TTC39C: variants seen among roughly 807,000 people sequenced by gnomAD.
TTC39C encodes tetratricopeptide repeat domain 39C.
Under a neutral mutation model 76.3 loss-of-function variants are expected in TTC39C, and 33 were observed. That is an observed-to-expected ratio of 0.43 (90% confidence interval 0.33 to 0.58). The LOEUF (loss-of-function observed/expected upper bound fraction) is 0.58, where lower values mean the gene tolerates loss of function less well. TTC39C is among the 20% of genes least tolerant of loss of function. TTC39C has a pLI of 0.04. For missense variants in TTC39C, 595 were observed against 701.4 expected (o/e 0.85, Z 1.71); for synonymous variants, 254 against 260.6 (o/e 0.97, Z 0.24).
At chr18:24,064,480 A>C (rs985421582) in intron 2 of TTC39C, among the ~76,000 whole-genome samples, 2 of 152,216 alleles carry the variant, frequency 1.3e-5, no homozygotes, top group African/African-American at 4.8e-5. Flanking sequence ...TTCGAGGTAG[A>C]AAAAAAGTCT....
At chr18:24,104,394 C>T (rs1306275467) in intron 6 of TTC39C, among the ~76,000 whole-genome samples, 4 of 152,162 alleles carry the variant, frequency 2.6e-5, no homozygotes, top group Non-Finnish European at 5.9e-5. Context: ...TGCCTCGGGG[C>T]CTTTGTGCTT....
upstream of TTC39C, among the ~76,000 whole-genome samples, chr18:24,010,781 C>T (rs1483469676): frequency 1.3e-5 from 2 of 152,164 alleles, no homozygotes; most frequent in East Asian, 3.9e-4. Context: ...GCATGGGTGG[C>T]TCATGCCTGT....
In TTC39C at chr18:24,058,816, T is replaced by G. The variant is rs74544264; in HGVS notation, c.168-5324T>G. 4.7e-3 allele frequency among the ~76,000 whole-genome samples: 720 copies of G among 152,344 alleles called. 12 individuals carry two copies. The East Asian group carries it at 0.061, about 13-fold the overall frequency. ...ATATTGTCAGTCCTTCCTGACAACC[T>G]GATGAGTATGGTGGTATCTCATTTT... is the stretch of plus-strand genomic sequence containing the variant. On this transcript the variant is annotated intron_variant, in intron 1 of 13. Coordinates refer to ENST00000317571, the MANE Select transcript of TTC39C (RefSeq NM_001135993.2).
chr18:24,094,850 C>G (rs548654202), intron 6 of TTC39C, among the ~76,000 whole-genome samples: 1 of 152,280 alleles, frequency 6.6e-6, no homozygotes, highest in African/African-American at 2.4e-5. Context: ...CTGAAGGGCC[C>G]TATGATTTTC....
At chr18:24,109,253 G>A (rs1323155495) in intron 6 of TTC39C, among the ~76,000 whole-genome samples, 1 of 151,346 alleles carries the variant, frequency 6.6e-6, no homozygotes, top group Non-Finnish European at 1.5e-5. Context: ...CTACTCAGGA[G>A]GCTGAGGTGG....
intron 1 of TTC39C, among the ~76,000 whole-genome samples, chr18:24,029,214 T>C (rs1163586789): frequency 6.6e-6 from 1 of 152,180 alleles, no homozygotes; most frequent in African/African-American, 2.4e-5. Context: ...GCGATTCTCT[T>C]GTCTCAGCCT....
At position 24,135,360 on chromosome 18, in the gene TTC39C, T is replaced by A. The variant is rs185855791; in HGVS notation, c.*2786T>A. On this transcript the variant is annotated 3_prime_UTR_variant, in exon 14 of 14. Coordinates refer to ENST00000317571, the MANE Select transcript of TTC39C (RefSeq NM_001135993.2). ...ACAGATGGCGCCTGTGGTAAATCTGTGTTAACATGGTGGTAGACCATGGAG... is the reference window on the plus strand; with the variant it reads ...ACAGATGGCGCCTGTGGTAAATCTGAGTTAACATGGTGGTAGACCATGGAG... 8 of 152,536 alleles carry A rather than the reference T, an allele frequency of 5.2e-5. No individual in the cohort carries two copies. The East Asian group carries it at 1.5e-3, about 29-fold the overall frequency. The allele number at this position is 152,536 out of a possible 1,614,324, so 9.4% of individuals were successfully genotyped here. A position where few individuals can be genotyped will look rare whatever the true frequency, so the allele number is the denominator to read the frequency against.
intron 6 of TTC39C, chr18:24,113,646 T>G (rs1208939796): frequency 4.3e-6 from 3 of 702,196 alleles, no homozygotes; most frequent in Non-Finnish European, 7.8e-6. Flanking sequence ...GTCTGGCTGT[T>G]TAAGATTTAT....
chr18:24,096,748 C>T (rs779063872), intron 6 of TTC39C, among the ~76,000 whole-genome samples: 9 of 151,958 alleles, frequency 5.9e-5, no homozygotes, highest in Non-Finnish European at 1.0e-4. Context: ...TATTATATAG[C>T]TTTGATAATT....
At chr18:24,017,985 A>G (rs1402651237) in intron 1 of TTC39C, among the ~76,000 whole-genome samples, 2 of 152,256 alleles carry the variant, frequency 1.3e-5, no homozygotes, top group Non-Finnish European at 2.9e-5. Flanking sequence ...TACTTTGTAG[A>G]AACAGATTAT....
At chr18:24,086,065 C>CAGTTA (rs2084435581) in intron 6 of TTC39C, among the ~76,000 whole-genome samples, 2 of 152,194 alleles carry the variant, frequency 1.3e-5, no homozygotes, top group Non-Finnish European at 2.9e-5. Context: ...CTTGAAGGCC[C>CAGTTA]TGACTCAGTT....
intron 2 of TTC39C, 97 bp from the exon 3 acceptor site, chr18:24,065,915 T>A (rs2084160126): frequency 2.4e-6 from 3 of 1,253,160 alleles, no homozygotes; most frequent in Non-Finnish European, 3.2e-6. Flanking sequence ...CAATAAATAA[T>A]TTAAGTGTTT....
chr18:24,057,830 A>G (rs1362101678), intron 1 of TTC39C, among the ~76,000 whole-genome samples: 1 of 152,230 alleles, frequency 6.6e-6, no homozygotes, highest in Admixed American at 6.5e-5. Context: ...CCTAATGAAT[A>G]TGAATTGTTC....
At chr18:24,009,760 C>T (rs142292578), upstream of TTC39C, among the ~76,000 whole-genome samples, 154 of 152,348 alleles carry the variant, frequency 1.0e-3, no homozygotes, top group African/African-American at 3.5e-3. Context: ...TGACTCTCTA[C>T]AGCAGCAGAA....
intron 1 of TTC39C, among the ~76,000 whole-genome samples, chr18:24,055,908 C>G (rs865856072): frequency 6.6e-6 from 1 of 152,092 alleles, no homozygotes; most frequent in South Asian, 2.1e-4. Context: ...ATGTAGTTTT[C>G]TTTTCTTGGC....
intron 6 of TTC39C, among the ~76,000 whole-genome samples, chr18:24,088,115 A>G (rs2084468813): frequency 6.6e-6 from 1 of 152,242 alleles, no homozygotes; most frequent in Admixed American, 6.5e-5. Context: ...ATGTCTTGAT[A>G]ATTGAAATAA....
intron 6 of TTC39C, among the ~76,000 whole-genome samples, chr18:24,094,289 A>G (rs1483001441): frequency 6.6e-6 from 1 of 152,180 alleles, no homozygotes; most frequent in Non-Finnish European, 1.5e-5. Context: ...TTTTCTTGCT[A>G]TTTCTACCAC....
chr18:24,044,757 A>G (rs2083842382), intron 1 of TTC39C, among the ~76,000 whole-genome samples: 1 of 152,190 alleles, frequency 6.6e-6, no homozygotes, highest in South Asian at 2.1e-4. Flanking sequence ...AAATACAAGA[A>G]TTCTTAATTT....
intron 6 of TTC39C, among the ~76,000 whole-genome samples, chr18:24,093,543 T>C (rs1445783946): frequency 4.6e-5 from 7 of 152,130 alleles, no homozygotes; most frequent in Admixed American, 4.6e-4. Flanking sequence ...TCTCTTTTTC[T>C]TCGGATATAA....
Sources: gnomAD v4.1 joint callset for allele counts (sites outside exome capture counted in the v4.1 genomes callset) on GRCh38, gnomAD v4.1.1 for gene constraint, MANE v1.5 for transcripts, NCBI Gene and HGNC (gene_info 2026-07-23, HGNC 2026-07-21) for gene names.